PPP1R12B: variants seen among roughly 807,000 people sequenced by gnomAD.
The protein encoded by PPP1R12B is protein phosphatase 1 regulatory subunit 12B, also known as myosin phosphatase target subunit 2.
Under a neutral mutation model 126.1 loss-of-function variants are expected in PPP1R12B, and 76 were observed. The ratio of observed to expected loss-of-function variants is 0.60; its 90% CI spans 0.50 to 0.73. The LOEUF (loss-of-function observed/expected upper bound fraction) is 0.73. PPP1R12B is among the 30% of genes least tolerant of loss of function. The pLI, the probability that PPP1R12B is intolerant of heterozygous loss-of-function variation, is 0.00. For synonymous variants in PPP1R12B, 356 were observed against 434.7 expected, an observed-to-expected ratio of 0.82 and a Z score of 2.25; for missense variants, 1,052 against 1,205.1, an observed-to-expected ratio of 0.87 and a Z score of 1.88.
chr1:202,395,553 A>C (rs190008744), intron 1 of PPP1R12B, among the ~76,000 whole-genome samples: 3 of 152,202 alleles, frequency 2.0e-5, no homozygotes, highest in African/African-American at 4.8e-5. Flanking sequence ...TCTGTCACCC[A>C]TTTCCACAGT....
chr1:202,441,395 C>G (rs529423085), intron 11 of PPP1R12B, among the ~76,000 whole-genome samples: 96 of 152,196 alleles, frequency 6.3e-4, no homozygotes, highest in African/African-American at 2.1e-3. Context: ...CTCCAGACCT[C>G]GAGTGGTCCT....
chr1:202,424,912 A>G (rs530387767), intron 3 of PPP1R12B, among the ~76,000 whole-genome samples: 15 of 152,322 alleles, frequency 9.8e-5, no homozygotes, highest in Middle Eastern at 3.4e-3. Flanking sequence ...CCTAGATTAT[A>G]TATCTTCAAG....
intron 1 of PPP1R12B, among the ~76,000 whole-genome samples, chr1:202,371,397 T>C (rs1443576246): frequency 1.1e-4 from 17 of 152,066 alleles, no homozygotes; most frequent in Admixed American, 1.1e-3. Context: ...GTTTGTATAG[T>C]GTTATTTCAT....
At chr1:202,425,966 G>T (rs1181683551) in intron 4 of PPP1R12B, among the ~76,000 whole-genome samples, 2 of 152,126 alleles carry the variant, frequency 1.3e-5, no homozygotes, top group African/African-American at 4.8e-5. Flanking sequence ...TGAGGTACAT[G>T]GTCCTAGGAG....
At chr1:202,392,179 A>G (rs1571781311) in intron 1 of PPP1R12B, among the ~76,000 whole-genome samples, 3 of 152,266 alleles carry the variant, frequency 2.0e-5, no homozygotes, top group South Asian at 4.2e-4. Context: ...CAACACTTAC[A>G]CAAAAATGTT....
At chr1:202,358,879 G>T (rs879297077) in intron 1 of PPP1R12B, among the ~76,000 whole-genome samples, 9 of 151,938 alleles carry the variant, frequency 5.9e-5, no homozygotes, top group Non-Finnish European at 1.3e-4. Flanking sequence ...TGCAAATTTG[G>T]GGAATATTTT....
At chr1:202,526,301 G>A (rs768579404) in intron 18 of PPP1R12B, among the ~76,000 whole-genome samples, 2 of 152,190 alleles carry the variant, frequency 1.3e-5, no homozygotes, top group African/African-American at 2.4e-5. Flanking sequence ...AAGAAAGAAC[G>A]TGAGGAAGGA....
intron 1 of PPP1R12B, among the ~76,000 whole-genome samples, chr1:202,396,493 TAG>T (rs1463540482): frequency 4.6e-5 from 7 of 152,352 alleles, no homozygotes; most frequent in Admixed American, 6.5e-5. Context: ...CACCCATGTA[TAG>T]TAAGCCCTTA....
At chr1:202,433,311 G>A (rs1437375508) in intron 8 of PPP1R12B, among the ~76,000 whole-genome samples, 1 of 152,140 alleles carries the variant, frequency 6.6e-6, no homozygotes, top group Non-Finnish European at 1.5e-5. Flanking sequence ...GGATCTGCCT[G>A]AACTATGGTC....
At chr1:202,444,557 C>T (rs1672007952) in intron 12 of PPP1R12B, among the ~76,000 whole-genome samples, 1 of 152,136 alleles carries the variant, frequency 6.6e-6, no homozygotes, top group African/African-American at 2.4e-5. Flanking sequence ...AATTTTAAAT[C>T]TCTGCTCCAC....
At position 202,436,860 on chromosome 1, in the gene PPP1R12B, G is replaced by GT. The variant is rs550567980; in HGVS notation, c.1255-952dup. On this transcript the variant is annotated intron_variant, in intron 9 of 23. Coordinates refer to ENST00000608999, the MANE Select transcript of PPP1R12B (RefSeq NM_002481.4). ...CCCTTTGACCTCTAGTTTTTTTTTT[G>GT]TTTTTTTTTGTTGTTGTTGTTTTTG... Among the ~76,000 whole-genome samples, 345 of 146,912 alleles carry GT rather than the reference G, an allele frequency of 2.3e-3. 3 individuals are homozygous for GT. The highest frequency in any genetic ancestry group is 3.7e-3 in the South Asian group (17 of 4,618).
chr1:202,408,298 CA>C (rs1558188090), intron 1 of PPP1R12B, among the ~76,000 whole-genome samples: 3 of 151,804 alleles, frequency 2.0e-5, no homozygotes, highest in Non-Finnish European at 4.4e-5. Flanking sequence ...TAAAATGCCT[CA>C]TGTGAGAACC....
chr1:202,562,883 C>T lies in PPP1R12B; in HGVS notation c.2613C>T (p.Thr871=), dbSNP rs368906536. The T allele has an allele frequency of 6.2e-6, 10 of 1,606,016 alleles. No homozygotes were observed. Among genetic ancestry groups the T allele is most frequent in the Admixed American group, 1.7e-5 (1 of 57,338 alleles). The part of the protein sequence containing the change: ...EAREARLATL[T]SRVEEDSNRD... Reference sequence around the variant, plus strand: ...GGGAGGCCCGCCTAGCCACCCTGACCAGCCGTGTAGAAGAAGACAGCAACA... The same window carrying T: ...GGGAGGCCCGCCTAGCCACCCTGACTAGCCGTGTAGAAGAAGACAGCAACA... The change falls in exon 20 of 24, where the codon ACC becomes ACT. Residue 871 remains threonine, a synonymous_variant. Coordinates refer to ENST00000608999, the MANE Select transcript of PPP1R12B (RefSeq NM_002481.4).
At chr1:202,486,402 A>G (rs904849918) in intron 13 of PPP1R12B, among the ~76,000 whole-genome samples, 5 of 152,212 alleles carry the variant, frequency 3.3e-5, no homozygotes, top group African/African-American at 1.2e-4. Flanking sequence ...ACTTGATGCC[A>G]CTAAATGTGA....
chr1:202,442,936 A>G (rs371743702), intron 12 of PPP1R12B, among the ~76,000 whole-genome samples: 1 of 136,088 alleles, frequency 7.3e-6, no homozygotes, highest in Non-Finnish European at 1.5e-5. Context: ...CCCATGTGCT[A>G]TTTTTGGGGG....
chr1:202,459,777 T>A (rs1213720954), intron 13 of PPP1R12B, among the ~76,000 whole-genome samples: 1 of 152,224 alleles, frequency 6.6e-6, no homozygotes, highest in East Asian at 1.9e-4. Context: ...CCATTCAGAA[T>A]AAAGGTTTTG....
chr1:202,476,204 CAAA>C (rs34552523), intron 13 of PPP1R12B, among the ~76,000 whole-genome samples: 5 of 80,140 alleles, frequency 6.2e-5, no homozygotes, highest in Admixed American at 1.5e-4. Flanking sequence ...GACTCTGTCT[CAAA>C]AAAAAAAAAA....
At chr1:202,423,311 C>T (rs1669059520) in intron 3 of PPP1R12B, among the ~76,000 whole-genome samples, 1 of 151,938 alleles carries the variant, frequency 6.6e-6, no homozygotes, top group South Asian at 2.1e-4. Flanking sequence ...GTTCTTTTTC[C>T]ACCACAAAAC....
At chr1:202,473,320 TTCTC>T (rs1443128674) in intron 13 of PPP1R12B, among the ~76,000 whole-genome samples, 4 of 152,236 alleles carry the variant, frequency 2.6e-5, no homozygotes, top group Admixed American at 1.3e-4. Flanking sequence ...TGTACACTCT[TTCTC>T]TATCTAGGTT....
Sources: allele counts gnomAD v4.1 joint callset (sites outside exome capture counted in the v4.1 genomes callset), GRCh38; gene constraint gnomAD v4.1.1; transcripts MANE v1.5; gene names NCBI Gene and HGNC (gene_info 2026-07-23, HGNC 2026-07-21).